C2orf49: variants seen among roughly 807,000 people sequenced by gnomAD.
C2orf49 encodes the protein tRNA splicing ligase complex subunit 2.
C2orf49 carries 11 observed loss-of-function variants against 20.6 expected under a neutral mutation model. That is an observed-to-expected ratio of 0.53 (90% CI 0.34 to 0.88). C2orf49 has a LOEUF of 0.88. Among genes scored for constraint, C2orf49 ranks in the 40% least tolerant of loss-of-function variants. The pLI is 0.02. For synonymous variants in C2orf49, 134 were observed against 108.5 expected, an observed-to-expected ratio of 1.24 and a Z score of -1.46; for missense variants, 289 against 274.2, an observed-to-expected ratio of 1.05 and a Z score of -0.38.
At chr2:105,366,301 G>C in the C2orf49 span, among the ~76,000 whole-genome samples, 1 of 152,232 alleles carries the variant, frequency 6.6e-6, no homozygotes, top group African/African-American at 2.4e-5. Context: ...GCAAGGTGGG[G>C]ATATTCTTGC....
Position 105,337,575 on chromosome 2 carries a change from C to A in C2orf49, c.-13C>A. ...CTTTGTGGGTAGCCGACTGGGGTCT[C>A]CTGGCGACGACCATGGCGGGGGATG... On this transcript the variant is annotated 5_prime_UTR_variant, in exon 1 of 4. Coordinates refer to ENST00000258457, the MANE Select transcript of C2orf49 (RefSeq NM_024093.3). The A allele has an allele frequency of 6.2e-7, 1 of 1,613,370 alleles. No homozygotes were observed. Among genetic ancestry groups the A allele is most frequent in the Non-Finnish European group, 8.5e-7 (1 of 1,179,960 alleles).
the C2orf49 span, chr2:105,363,044 TA>T: frequency 2.0e-6 from 1 of 490,872 alleles, no homozygotes; most frequent in African/African-American, 1.9e-5. Context: ...AAGCAGAAAC[TA>T]AACTGGAGCA....
chr2:105,364,455 C>T, the C2orf49 span, among the ~76,000 whole-genome samples: 5 of 152,220 alleles, frequency 3.3e-5, no homozygotes, highest in East Asian at 9.6e-4. Flanking sequence ...TGCCTTCATT[C>T]TCACCTGTCT....
At chr2:105,373,576 T>C in the C2orf49 span, 1 of 1,614,216 alleles carries the variant, frequency 6.2e-7, no homozygotes, top group Non-Finnish European at 8.5e-7. Flanking sequence ...GATGGTCTTC[T>C]TGCATTCCTG....
the C2orf49 span, among the ~76,000 whole-genome samples, chr2:105,355,091 G>T: frequency 6.6e-6 from 1 of 152,188 alleles, no homozygotes; most frequent in South Asian, 2.1e-4. Flanking sequence ...AAATCTCTGA[G>T]TGTTCCAAGA....
At chr2:105,383,297 G>A in the C2orf49 span, among the ~76,000 whole-genome samples, 1 of 152,338 alleles carries the variant, frequency 6.6e-6, no homozygotes, top group Admixed American at 6.5e-5. Flanking sequence ...AGGTATCCAA[G>A]AAAAGGTTCA....
chr2:105,367,890 T>C, the C2orf49 span: 9 of 702,636 alleles, frequency 1.3e-5, no homozygotes, highest in Non-Finnish European at 1.8e-5. Context: ...TGGAGGTAAT[T>C]CCTATTTTGT....
At chr2:105,361,927 C>T in the C2orf49 span, among the ~76,000 whole-genome samples, 23 of 152,142 alleles carry the variant, frequency 1.5e-4, no homozygotes, top group African/African-American at 5.3e-4. Context: ...GGGATATTGT[C>T]GCAGTGGGAA....
the C2orf49 span, chr2:105,363,579 T>A: frequency 1.1e-4 from 111 of 1,054,418 alleles, no homozygotes; most frequent in African/African-American, 1.6e-3. Context: ...AAACGTCCAG[T>A]TTGTTAAGTC....
At position 105,345,314 on chromosome 2, in the gene C2orf49, G is replaced by A. The variant is rs1391078512; in HGVS notation, c.643-1G>A. Reference sequence around the variant, plus strand: ...AACTGATTTCTGTTCATGTCTTTCAGAATAACCTGAAGCCCCCACAAGCAA... The same window carrying A: ...AACTGATTTCTGTTCATGTCTTTCAAAATAACCTGAAGCCCCCACAAGCAA... On this transcript the variant is annotated splice_acceptor_variant, in intron 3 of 3. Coordinates refer to ENST00000258457, the MANE Select transcript of C2orf49 (RefSeq NM_024093.3). LOFTEE classifies it high-confidence loss of function. 1 of 1,610,720 alleles carries A rather than the reference G, an allele frequency of 6.2e-7. No individual in the cohort carries two copies. The highest frequency in any genetic ancestry group is 2.2e-5 in the East Asian group (1 of 44,804).
rs1187688708 is a variant in C2orf49, at chr2:105,348,216, TGG to T, written c.*2846_*2847del. The T allele has an allele frequency of 1.3e-5, 2 of 152,180 alleles. No individual in the cohort carries two copies. Among genetic ancestry groups the T allele is most frequent in the African/African-American group, 2.4e-5 (1 of 41,438 alleles). 9.4% of individuals were successfully genotyped at this position (152,180 alleles called of 1,614,324 possible). A position where few individuals can be genotyped will look rare whatever the true frequency, so the allele number is the denominator to read the frequency against. ...GGATCATAGACTGCTGTGTGAATTC[TGG>T]AAAGTCTCAGGTCCCTACCAGGGCA... On this transcript the variant is annotated 3_prime_UTR_variant, in exon 4 of 4. Transcript: ENST00000258457.
chr2:105,380,836 T>C, the C2orf49 span, among the ~76,000 whole-genome samples: 1,860 of 152,314 alleles, frequency 0.012, 31 homozygotes, highest in African/African-American at 0.042. Context: ...AGGCTAATCT[T>C]GTGCTCACAG....
the C2orf49 span, among the ~76,000 whole-genome samples, chr2:105,364,001 A>G: frequency 6.6e-6 from 1 of 152,184 alleles, no homozygotes; most frequent in African/African-American, 2.4e-5. Flanking sequence ...TCACACCTGT[A>G]ATCTCAGGAC....
chr2:105,339,412 G>A (rs1007653525), intron 1 of C2orf49, among the ~76,000 whole-genome samples, 171 bp from the exon 2 acceptor site: 3 of 152,208 alleles, frequency 2.0e-5, no homozygotes, highest in Non-Finnish European at 4.4e-5. Context: ...GCTGAACCTA[G>A]TATCTACAGA....
the C2orf49 span, among the ~76,000 whole-genome samples, chr2:105,382,317 T>G: frequency 6.6e-6 from 1 of 152,210 alleles, no homozygotes; most frequent in African/African-American, 2.4e-5. Flanking sequence ...CATCTCTTAC[T>G]CATAAGGACT....
the C2orf49 span, among the ~76,000 whole-genome samples, chr2:105,362,507 G>A: frequency 6.6e-6 from 1 of 152,272 alleles, no homozygotes; most frequent in African/African-American, 2.4e-5. Context: ...CCAGGCCACC[G>A]GGTACTCCAA....
the C2orf49 span, chr2:105,363,194 T>G: frequency 7.9e-7 from 1 of 1,264,268 alleles, no homozygotes; most frequent in Non-Finnish European, 1.1e-6. Flanking sequence ...GTCTGGGGAG[T>G]TGAGGGATAT....
At chr2:105,337,721 G>GGGGGGGGGGGGGGGGGGGGGC in intron 1 of C2orf49, 35 bp downstream of exon 1, 3 of 26,798 alleles carry the variant, frequency 1.1e-4, no homozygotes, top group Non-Finnish European at 6.6e-5. Context: ...GGGCGGGTGG[G>GGGGGGGGGGGGGGGGGGGGGC]CCTTCCCAGG....
At chr2:105,349,271 G>T (rs1033530476), downstream of C2orf49, 2 of 151,988 alleles carry the variant, frequency 1.3e-5, no homozygotes, top group Admixed American at 1.3e-4. Flanking sequence ...TTGCTCTGTC[G>T]CCCAGAGTGT....
Sources: allele counts gnomAD v4.1 joint callset (sites outside exome capture counted in the v4.1 genomes callset), GRCh38; gene constraint gnomAD v4.1.1; transcripts MANE v1.5; gene names NCBI Gene and HGNC (gene_info 2026-07-23, HGNC 2026-07-21).